The following SLC7A14 variants were observed in gnomAD, a reference collection of about 807,000 sequenced individuals.
SLC7A14 encodes the protein solute carrier family 7 member 14.
In SLC7A14, 37 loss-of-function variants were observed where a neutral mutation model predicts 60.2. The ratio of observed to expected loss-of-function variants is 0.61; its 90% CI spans 0.47 to 0.81. The LOEUF (loss-of-function observed/expected upper bound fraction) is 0.81. Ranked by LOEUF, SLC7A14 falls within the 30% of genes least tolerant of loss-of-function variation. The pLI is 0.00. For synonymous variants in SLC7A14, 399 were observed against 395.8 expected (o/e 1.01, Z -0.10); for missense variants, 886 against 982.7 (o/e 0.90, Z 1.32).
rs1560272799 is a variant in SLC7A14 at position 170,535,166 on chromosome 3, T to G, written c.-152-8078A>C. 6.6e-6 allele frequency among the ~76,000 whole-genome samples: 1 copy of G among 152,014 alleles called. No individual in the cohort carries two copies. Among genetic ancestry groups the G allele is most frequent in the Non-Finnish European group, 1.5e-5 (1 of 68,012 alleles). The stretch of plus-strand genomic sequence containing the variant: ...CACAGTCTGGCATCACCTTCCACTC[T>G]TCTCCCGCAGATCAGGGTCTCCCAG... On this transcript the variant is annotated intron_variant, in intron 1 of 7. Coordinates refer to ENST00000231706, the MANE Select transcript of SLC7A14 (RefSeq NM_020949.3). The surrounding 1 kb of genome is among the most constrained non-coding windows in gnomAD (Gnocchi z 4.3).
rs568828134 is a variant in SLC7A14 at position 170,463,067 on chromosome 3, C to T, written c.*3988G>A. On this transcript the variant is annotated 3_prime_UTR_variant, in exon 8 of 8. Transcript: ENST00000231706. ...TTCAGCCTTCCTGGATTCACACTTT[C>T]GTCAGTTCCCCAATTATTTCCCACT... 3.9e-5 allele frequency: 6 copies of T among 152,282 alleles called. No individual in the cohort carries two copies. The highest frequency in any genetic ancestry group is 7.2e-5 in the African/African-American group (3 of 41,528). 9.4% of individuals were successfully genotyped at this position (152,282 alleles called of 1,614,324 possible).
intron 4 of SLC7A14, chr3:170,496,610 G>A: frequency 6.3e-7 from 1 of 1,580,494 alleles, no homozygotes; most frequent in Non-Finnish European, 8.7e-7. Flanking sequence ...CCTACAGGAA[G>A]CTGCTGGAGG....
chr3:170,467,437 G>A (rs1261614606), intron 7 of SLC7A14, 60 bp from the exon 8 acceptor site: 3 of 1,158,402 alleles, frequency 2.6e-6, no homozygotes, highest in Non-Finnish European at 3.3e-6. Context: ...CCTGGGACTA[G>A]CAGAGAGATC....
At chr3:170,544,126 T>G (rs1714101554) in intron 1 of SLC7A14, among the ~76,000 whole-genome samples, 1 of 152,096 alleles carries the variant, frequency 6.6e-6, no homozygotes, top group South Asian at 2.1e-4. Context: ...TGAGCGTGCT[T>G]AATTTGTATT....
chr3:170,520,298 A>C (rs945075930), intron 2 of SLC7A14, among the ~76,000 whole-genome samples: 1 of 152,216 alleles, frequency 6.6e-6, no homozygotes, highest in African/African-American at 2.4e-5. Flanking sequence ...AAGTAAAATA[A>C]TGGGTTATGC....
intron 1 of SLC7A14, among the ~76,000 whole-genome samples, chr3:170,571,591 C>A (rs1157001412): frequency 6.6e-6 from 1 of 152,146 alleles, no homozygotes; most frequent in Non-Finnish European, 1.5e-5. Flanking sequence ...ATTTTAGCAA[C>A]AATATTGTTT....
At chr3:170,469,797 T>G (rs1739833165) in intron 7 of SLC7A14, among the ~76,000 whole-genome samples, 1 of 152,128 alleles carries the variant, frequency 6.6e-6, no homozygotes, top group Non-Finnish European at 1.5e-5. Flanking sequence ...CTTCTCTGAC[T>G]TTGCTTATAG....
intron 2 of SLC7A14, among the ~76,000 whole-genome samples, chr3:170,514,665 C>T (rs538950733): frequency 6.6e-6 from 1 of 152,254 alleles, no homozygotes; most frequent in Non-Finnish European, 1.5e-5. Flanking sequence ...GTGCTCTTTG[C>T]ACAGGGTTCA....
rs115317040 is a variant in SLC7A14 at position 170,471,994 on chromosome 3, A to T, written c.1994-4617T>A. The stretch of plus-strand genomic sequence containing the variant: ...GAGGCTCCTCTGTGGGGCTGGAATT[A>T]TTTTTTTTGAGTTGATGGGTCATGG... On this transcript the variant is annotated intron_variant, in intron 7 of 7. Transcript: ENST00000231706. 8.1e-3 allele frequency among the ~76,000 whole-genome samples: 1,234 copies of T among 151,794 alleles called. 25 individuals are homozygous for T. Among genetic ancestry groups the T allele is most frequent in the African/African-American group, 0.028 (1,166 of 41,390 alleles).
intron 1 of SLC7A14, among the ~76,000 whole-genome samples, chr3:170,580,211 T>A (rs899954338): frequency 3.9e-5 from 6 of 152,238 alleles, no homozygotes; most frequent in African/African-American, 1.2e-4. Context: ...TGTGTCAAAA[T>A]AGGACATTCT....
At chr3:170,581,772 G>A (rs1044615160) in intron 1 of SLC7A14, among the ~76,000 whole-genome samples, 6 of 152,140 alleles carry the variant, frequency 3.9e-5, no homozygotes, top group African/African-American at 1.4e-4. Flanking sequence ...AGTCCTTTGA[G>A]ATAGTTATGG....
chr3:170,533,284 C>T (rs943410996), intron 1 of SLC7A14, among the ~76,000 whole-genome samples: 4 of 152,194 alleles, frequency 2.6e-5, no homozygotes, highest in East Asian at 1.9e-4. Flanking sequence ...AGGCCAGATG[C>T]GTCTTAATCT....
At chr3:170,479,148 CAAAT>C (rs1375038012) in intron 7 of SLC7A14, among the ~76,000 whole-genome samples, 3 of 114,064 alleles carry the variant, frequency 2.6e-5, no homozygotes, top group African/African-American at 8.2e-5. Context: ...ACAAAACAAA[CAAAT>C]AACAACAACA....
At chr3:170,543,122 G>A (rs1714069534) in intron 1 of SLC7A14, among the ~76,000 whole-genome samples, 1 of 152,176 alleles carries the variant, frequency 6.6e-6, no homozygotes, top group Non-Finnish European at 1.5e-5. Context: ...TGCTCTTTGA[G>A]TCACGTGTGG....
chr3:170,464,400 G>T lies in SLC7A14; in HGVS notation c.*2655C>A, dbSNP rs374869567. The T allele has an allele frequency of 1.3e-5, 2 of 152,294 alleles. No homozygotes were observed. 9.4% of individuals were successfully genotyped at this position (152,294 alleles called of 1,614,324 possible). On this transcript the variant is annotated 3_prime_UTR_variant, in exon 8 of 8. Transcript: ENST00000231706. ...TTTAATGTGATCCCACACATACATCGTTTAGAAACCTGTTAAGAAAATAGT... is the reference window on the plus strand; with the variant it reads ...TTTAATGTGATCCCACACATACATCTTTTAGAAACCTGTTAAGAAAATAGT...
rs529240063 is a variant in SLC7A14 at position 170,567,591 on chromosome 3, T to G, written c.-153+18320A>C. 3.2e-3 allele frequency among the ~76,000 whole-genome samples: 484 copies of G among 150,376 alleles called. 1 individual carries two copies. Among genetic ancestry groups the G allele is most frequent in the Non-Finnish European group, 5.4e-3 (361 of 66,948 alleles). ...TCCCTGAGGAATCGCCACACTGACT[T>G]CCACAATGGTTGAACTAGTTTACAG... On this transcript the variant is annotated intron_variant, in intron 1 of 7. Transcript: ENST00000231706.
In SLC7A14 at chr3:170,483,315, T is replaced by C. The variant is rs1350360688; in HGVS notation, c.1114A>G (p.Arg372Gly). The C allele has an allele frequency of 1.5e-5, 25 of 1,613,830 alleles. No homozygotes were observed. Among genetic ancestry groups the C allele is most frequent in the Non-Finnish European group, 2.0e-5 (24 of 1,179,936 alleles). ...AATTTCATGGAGCATAGCCCTTACC[T>C]GAAAAGGAGCCCGTCACCAGCCATG... The part of the protein sequence containing the change: ...YAMAGDGLLF[R>G]FLAHVSSYTE... Residue 372 changes from arginine (R) to glycine (G), a missense_variant and splice_region_variant, in exon 6 of 8, where the codon AGG (arginine) becomes GGG (glycine). Physicochemically the swap from Arg to Gly is moderately radical, Grantham distance 125. Transcript: ENST00000231706.
intron 7 of SLC7A14, among the ~76,000 whole-genome samples, chr3:170,475,611 C>T (rs1365309585): frequency 1.3e-5 from 2 of 152,164 alleles, no homozygotes; most frequent in Non-Finnish European, 2.9e-5. Flanking sequence ...CTATGCTCCC[C>T]TTAGAGCAGT....
rs1345840810 is a variant in SLC7A14 at position 170,463,555 on chromosome 3, T to A, written c.*3500A>T. ...TTTTAAGAGACAGGGTATTCTTCTG[T>A]TACCCAGGCTGGAGTACAGTGGTGT... is the stretch of plus-strand genomic sequence containing the variant. On this transcript the variant is annotated 3_prime_UTR_variant, in exon 8 of 8. Coordinates refer to ENST00000231706, the MANE Select transcript of SLC7A14 (RefSeq NM_020949.3). The A allele has an allele frequency of 6.6e-6, 1 of 152,210 alleles. No individual in the cohort carries two copies. The highest frequency in any genetic ancestry group is 1.5e-5 in the Non-Finnish European group (1 of 68,062). The allele number at this position is 152,210 out of a possible 1,614,324, so 9.4% of individuals were successfully genotyped here.
Sources: gnomAD v4.1 joint callset for allele counts (sites outside exome capture counted in the v4.1 genomes callset) on GRCh38, gnomAD v4.1.1 for gene constraint, Gnocchi (gnomAD v3.1) non-coding constraint, MANE v1.5 for transcripts, NCBI Gene and HGNC (gene_info 2026-07-23, HGNC 2026-07-21) for gene names.